GADL1: variants seen among roughly 807,000 people sequenced by gnomAD.
The protein encoded by GADL1 is acidic amino acid decarboxylase GADL1.
A neutral mutation model predicts 69.5 loss-of-function variants in GADL1; 71 were observed. That is an observed-to-expected ratio of 1.02 (90% CI 0.84 to 1.25). GADL1 has a LOEUF of 1.25. Ranked by LOEUF, GADL1 falls within the 50% of genes most tolerant of loss-of-function variation. The pLI, the probability that GADL1 is intolerant of heterozygous loss-of-function variation, is 0.00. For synonymous variants in GADL1, 254 were observed against 214.4 expected (o/e 1.18, Z -1.62); for missense variants, 737 against 631.8 (o/e 1.17, Z -1.79).
intron 4 of GADL1, among the ~76,000 whole-genome samples, chr3:30,854,382 G>A (rs9819620): frequency 0.017 from 2,519 of 152,180 alleles, 83 homozygotes; most frequent in East Asian, 0.14. Flanking sequence ...AGGTTTATTT[G>A]TGTTCAATAT....
intron 14 of GADL1, among the ~76,000 whole-genome samples, chr3:30,760,789 A>G (rs1696107174): frequency 6.6e-6 from 1 of 152,100 alleles, no homozygotes; most frequent in African/African-American, 2.4e-5. Context: ...GGACTTCTCC[A>G]CATGTTTTTC....
chr3:30,775,233 C>T (rs1334546873), intron 14 of GADL1, among the ~76,000 whole-genome samples: 1 of 152,198 alleles, frequency 6.6e-6, no homozygotes, highest in African/African-American at 2.4e-5. Flanking sequence ...TCCCTCTCCC[C>T]TTCTGCCGCC....
At chr3:30,730,373 C>T (rs532026666) in intron 14 of GADL1, among the ~76,000 whole-genome samples, 2 of 152,222 alleles carry the variant, frequency 1.3e-5, no homozygotes, top group South Asian at 4.1e-4. Context: ...AGGGGGATGG[C>T]TAAACATCAT....
At chr3:30,784,589 T>C (rs1052964422) in intron 13 of GADL1, among the ~76,000 whole-genome samples, 4 of 152,236 alleles carry the variant, frequency 2.6e-5, no homozygotes, top group African/African-American at 9.6e-5. Context: ...CTAGATTCTC[T>C]GGAAAGTATT....
chr3:30,732,524 T>C (rs1695473656), intron 14 of GADL1, among the ~76,000 whole-genome samples: 1 of 152,136 alleles, frequency 6.6e-6, no homozygotes, highest in Non-Finnish European at 1.5e-5. Context: ...AAATAGAGTC[T>C]CGTTGCACAT....
chr3:30,784,150 T>A (rs1696736682), intron 13 of GADL1, among the ~76,000 whole-genome samples: 1 of 152,218 alleles, frequency 6.6e-6, no homozygotes, highest in African/African-American at 2.4e-5. Flanking sequence ...TTTTCTTACA[T>A]GTTTATAATG....
Position 30,755,291 on chromosome 3 carries a change from T to G in GADL1, c.1392+22888A>C, listed in dbSNP as rs192682855. Among the ~76,000 whole-genome samples the G allele has an allele frequency of 7.0e-4, 107 of 151,904 alleles. No individual in the cohort carries two copies. In the Middle Eastern group the frequency reaches 0.014, roughly 19 times the overall value. ...TGGTGAAACCATCAGCTTGATTTAT[T>G]AACCTGGATGCTTTTCTTATTAAAT... On this transcript the variant is annotated intron_variant, in intron 14 of 14. Transcript: ENST00000282538.
At chr3:30,854,071 T>G (rs1698189500) in intron 4 of GADL1, among the ~76,000 whole-genome samples, 2 of 152,150 alleles carry the variant, frequency 1.3e-5, no homozygotes, top group South Asian at 2.1e-4. Flanking sequence ...CACACTGGCC[T>G]TTCAGTTCAT....
intron 11 of GADL1, among the ~76,000 whole-genome samples, chr3:30,831,811 T>C (rs1697797102): frequency 6.6e-6 from 1 of 151,906 alleles, no homozygotes; most frequent in South Asian, 2.1e-4. Flanking sequence ...TATTGGGAGA[T>C]AGGCAAGAAG....
intron 2 of GADL1, among the ~76,000 whole-genome samples, chr3:30,857,498 C>T (rs1051071546): frequency 2.0e-5 from 3 of 151,958 alleles, no homozygotes; most frequent in East Asian, 3.9e-4. Flanking sequence ...TCCTATGGCA[C>T]ATCTGTAAAA....
intron 14 of GADL1, among the ~76,000 whole-genome samples, chr3:30,768,054 T>C (rs1465321218): frequency 7.0e-6 from 1 of 142,586 alleles, no homozygotes; most frequent in Non-Finnish European, 1.5e-5. Flanking sequence ...CCCCTTATCC[T>C]TATAACACCC....
chr3:30,848,373 A>AT (rs1698089570), intron 6 of GADL1, among the ~76,000 whole-genome samples: 1 of 152,194 alleles, frequency 6.6e-6, no homozygotes, highest in African/African-American at 2.4e-5. Flanking sequence ...AGAGGAAAAC[A>AT]TGAGAGTGGT....
At position 30,777,351 on chromosome 3, in the gene GADL1, A is replaced by G. The variant is rs147963465; in HGVS notation, c.1392+828T>C. 1.4e-3 allele frequency among the ~76,000 whole-genome samples: 212 copies of G among 152,236 alleles called. 1 individual carries two copies. Among genetic ancestry groups the G allele is most frequent in the African/African-American group, 4.9e-3 (205 of 41,534 alleles). The stretch of plus-strand genomic sequence containing the variant: ...AAGTCAGCTGTGCTGACTTGATCCC[A>G]CTCAAGAGGTAGGGAATTGCCTGAT... On this transcript the variant is annotated intron_variant, in intron 14 of 14. Transcript: ENST00000282538.
chr3:30,865,193 A>G (rs534158265), intron 1 of GADL1, among the ~76,000 whole-genome samples: 1 of 152,000 alleles, frequency 6.6e-6, no homozygotes, highest in African/African-American at 2.4e-5. Flanking sequence ...TGACTACCTC[A>G]TATGAAGCTG....
At chr3:30,730,943 T>C (rs1436153642) in intron 14 of GADL1, among the ~76,000 whole-genome samples, 2 of 152,230 alleles carry the variant, frequency 1.3e-5, no homozygotes, top group Non-Finnish European at 2.9e-5. Flanking sequence ...CATATTGTAC[T>C]GCTTTTAAAA....
chr3:30,727,944 G>A lies in GADL1; in HGVS notation c.*298C>T, dbSNP rs1654065839. On this transcript the variant is annotated 3_prime_UTR_variant, in exon 15 of 15. Transcript: ENST00000282538. ...ATAAGTTCTTTAAAGAGCAATGTAAGCTTAGAATCCAGAACCTACATGGTA... is the reference window on the plus strand; with the variant it reads ...ATAAGTTCTTTAAAGAGCAATGTAAACTTAGAATCCAGAACCTACATGGTA... 2 of 221,250 alleles carry A rather than the reference G, an allele frequency of 9.0e-6. No homozygotes were observed. Among genetic ancestry groups the A allele is most frequent in the Middle Eastern group, 1.5e-3 (1 of 686 alleles). The allele number at this position is 221,250 out of a possible 1,614,324, so 13.7% of individuals were successfully genotyped here. A position where few individuals can be genotyped will look rare whatever the true frequency, so the allele number is the denominator to read the frequency against.
Position 30,791,507 on chromosome 3 carries a change from C to T in GADL1, c.1251-5101G>A, listed in dbSNP as rs1004130540. On this transcript the variant is annotated intron_variant, in intron 12 of 14. Coordinates refer to ENST00000282538, the MANE Select transcript of GADL1 (RefSeq NM_207359.3). ...ATCCTTCCCTTACAAGTTATGGCTA[C>T]ACAAAACTTGCATGTATTAACCATA... Among the ~76,000 whole-genome samples, 9 of 152,258 alleles carry T rather than the reference C, an allele frequency of 5.9e-5. No homozygotes were observed. In the South Asian group the frequency reaches 1.2e-3, roughly 21 times the overall value.
At chr3:30,745,502 A>T (rs893952976) in intron 14 of GADL1, among the ~76,000 whole-genome samples, 2 of 152,236 alleles carry the variant, frequency 1.3e-5, no homozygotes, top group African/African-American at 2.4e-5. Flanking sequence ...AGGGATAGAA[A>T]ATAAAACCCT....
intron 14 of GADL1, among the ~76,000 whole-genome samples, chr3:30,766,557 T>A (rs531949713): frequency 1.6e-5 from 2 of 121,900 alleles, no homozygotes; most frequent in African/African-American, 6.1e-5. Flanking sequence ...ATTACTGTGA[T>A]TTTTTTTCTC....
Sources: allele counts gnomAD v4.1 joint callset (sites outside exome capture counted in the v4.1 genomes callset), GRCh38; gene constraint gnomAD v4.1.1; transcripts MANE v1.5; gene names NCBI Gene and HGNC (gene_info 2026-07-23, HGNC 2026-07-21).